The following PENK variants were observed in gnomAD, a reference collection of about 807,000 sequenced individuals.
PENK encodes the protein proenkephalin-A.
Under a neutral mutation model 24.1 loss-of-function variants are expected in PENK, and 25 were observed. That is an observed-to-expected ratio of 1.04 (90% confidence interval 0.76 to 1.45). The LOEUF (loss-of-function observed/expected upper bound fraction) is 1.45, where lower values mean the gene tolerates loss of function less well. Ranked by LOEUF, PENK falls within the 40% of genes most tolerant of loss-of-function variation. The probability of loss-of-function intolerance (pLI) is 0.00; values close to 1 mark genes in which losing one functional copy is unlikely to be tolerated. For missense variants in PENK, 353 were observed against 337.9 expected, an observed-to-expected ratio of 1.04 and a Z score of -0.35; for synonymous variants, 135 against 130.3, an observed-to-expected ratio of 1.04 and a Z score of -0.24.
In PENK at chr8:56,441,814, T is replaced by G; in HGVS notation, c.262A>C (p.Ser88Arg). ...AGCAAATGGCTTTCTTCCGGTTTGC[T>G]ATTTTCTCTGAGGGTGCTGGTGCCA... is the stretch of plus-strand genomic sequence containing the variant. ...QDGTSTLREN[S>R]KPEESHLLAK... Residue 88 changes from serine (S) to arginine (R), a missense_variant, in exon 4 of 4, where the codon AGC becomes CGC. By Grantham distance (110) the Ser-to-Arg change is moderately radical. Transcript: ENST00000451791. 6.2e-7 allele frequency: 1 copy of G among 1,614,244 alleles called. No homozygotes were observed. The highest frequency in any genetic ancestry group is 8.5e-7 in the Non-Finnish European group (1 of 1,180,056).
intron 3 of PENK, chr8:56,445,428 A>C: frequency 2.2e-6 from 1 of 448,816 alleles, no homozygotes; most frequent in Admixed American, 3.7e-5. Context: ...AGGGGCCCTT[A>C]GCTGGGATAT....
chr8:56,441,806 C>G lies in PENK; in HGVS notation c.270G>C (p.Pro90=). The stretch of plus-strand genomic sequence containing the variant: ...TTTTGGCTAGCAAATGGCTTTCTTC[C>G]GGTTTGCTATTTTCTCTGAGGGTGC... ...GTSTLRENSK[P]EESHLLAKRY... is the part of the protein sequence containing the mutation. Residue 90 remains proline (P), a synonymous_variant, in exon 4 of 4, where the codon CCG becomes CCC. Transcript: ENST00000451791. 6.2e-6 allele frequency: 10 copies of G among 1,614,138 alleles called. No homozygotes were observed. Among genetic ancestry groups the G allele is most frequent in the Non-Finnish European group, 8.5e-6 (10 of 1,180,032 alleles).
intron 2 of PENK, 96 bp downstream of exon 2, chr8:56,446,330 T>C (rs565024740): frequency 5.7e-5 from 15 of 261,038 alleles, no homozygotes; most frequent in Non-Finnish European, 1.1e-4. Flanking sequence ...GGGAACGCTG[T>C]TGGGGAACCC....
intron 3 of PENK, among the ~76,000 whole-genome samples, chr8:56,442,687 T>C (rs1169582303): frequency 6.6e-6 from 1 of 152,070 alleles, no homozygotes; most frequent in Non-Finnish European, 1.5e-5. Context: ...GATATAAAAT[T>C]ATACAAATGC....
At chr8:56,445,302 A>C in intron 3 of PENK, 5 of 221,972 alleles carry the variant, frequency 2.3e-5, no homozygotes, top group South Asian at 1.4e-4. Flanking sequence ...AGGGTAGGGA[A>C]TGAGGGACCT....
chr8:56,441,524 C>T lies in PENK; in HGVS notation c.552G>A (p.Lys184=), dbSNP rs765857438. Residue 184 remains lysine (K), a synonymous_variant, in exon 4 of 4, where the codon AAG becomes AAA. Coordinates refer to ENST00000451791, the MANE Select transcript of PENK (RefSeq NM_001135690.3). Reference sequence around the variant, plus strand: ...AGCCTCTCATGAAGCCCCCATATCTCTTGCTCACTTCTTCCTCATTATCAC... The same window carrying T: ...AGCCTCTCATGAAGCCCCCATATCTTTTGCTCACTTCTTCCTCATTATCAC... ...DGSDNEEEVS[K]RYGGFMRGLK... is the part of the protein sequence containing the mutation. The T allele has an allele frequency of 1.2e-6, 2 of 1,613,284 alleles. No homozygotes were observed. Among genetic ancestry groups the T allele is most frequent in the South Asian group, 2.2e-5 (2 of 91,010 alleles).
chr8:56,445,918 C>T lies in PENK; in HGVS notation c.36G>A (p.Leu12=). 2 of 1,612,264 alleles carry T rather than the reference C, an allele frequency of 1.2e-6. No homozygotes were observed. Among genetic ancestry groups the T allele is most frequent in the Non-Finnish European group, 1.7e-6 (2 of 1,179,554 alleles). Residue 12 remains leucine, a synonymous_variant, in exon 3 of 4, where the codon CTG becomes CTA. Coordinates refer to ENST00000451791, the MANE Select transcript of PENK (RefSeq NM_001135690.3). ...TCGCCAGGAGCCCGGGGCCGAGCAA[C>T]AGCAGCCAAGTGCAAAGTGTCAGGA... ...ARFLTLCTWL[L]LLGPGLLATV...
chr8:56,445,443 G>C (rs1804637604), intron 3 of PENK: 1 of 479,712 alleles, frequency 2.1e-6, no homozygotes, highest in Non-Finnish European at 3.7e-6. Flanking sequence ...GGATATGTTA[G>C]GAGTTGTGGT....
chr8:56,441,693 C>A lies in PENK; in HGVS notation c.383G>T (p.Gly128Val). ...ATACCGCTTGGCGAGGATCTCACTTCCATTGGCCTCTTCTTCTGGCTCCAT... is the reference window on the plus strand; with the variant it reads ...ATACCGCTTGGCGAGGATCTCACTTACATTGGCCTCTTCTTCTGGCTCCAT... Reference protein sequence around the residue: ...YPMEPEEEANGSEILAKRYGG... With the variant: ...YPMEPEEEANVSEILAKRYGG... Residue 128 changes from glycine (G) to valine (V), a missense_variant, in exon 4 of 4, where the codon GGA becomes GTA. Coordinates refer to ENST00000451791, the MANE Select transcript of PENK (RefSeq NM_001135690.3). The A allele has an allele frequency of 6.2e-7, 1 of 1,613,946 alleles. No individual in the cohort carries two copies. Among genetic ancestry groups the A allele is most frequent in the Non-Finnish European group, 8.5e-7 (1 of 1,179,986 alleles).
At chr8:56,444,032 GA>G (rs1563486768) in intron 3 of PENK, 1 of 701,314 alleles carries the variant, frequency 1.4e-6, no homozygotes, top group South Asian at 1.5e-5. Flanking sequence ...GTTACATGAT[GA>G]GAAGAGGGTG....
chr8:56,444,118 G>T (rs1012192096), intron 3 of PENK: 82 of 531,078 alleles, frequency 1.5e-4, no homozygotes, highest in Non-Finnish European at 2.2e-4. Flanking sequence ...CTCTGCTCAA[G>T]TTCCTCAACA....
intron 2 of PENK, 51 bp downstream of exon 2, chr8:56,446,375 G>C (rs939068494): frequency 5.0e-6 from 1 of 199,848 alleles, no homozygotes; most frequent in African/African-American, 2.3e-5. Flanking sequence ...AGGGCGGGCA[G>C]ACGTCCCCAA....
rs1259436563 is a variant in PENK at position 56,445,803 on chromosome 8, G to C, written c.138+13C>G. On this transcript the variant is annotated intron_variant, in intron 3 of 3. Transcript: ENST00000451791. ...TCACAAGGTGCGCAACACTCGCCGC[G>C]CGCAACACTCACCAGGAAGTTGATG... is the stretch of plus-strand genomic sequence containing the variant. 4.3e-6 allele frequency: 7 copies of C among 1,613,206 alleles called. No homozygotes were observed. The highest frequency in any genetic ancestry group is 4.5e-5 in the East Asian group (2 of 44,896).
chr8:56,442,011 C>T (rs111783261), intron 3 of PENK, 74 bp from the exon 4 acceptor site: 6 of 1,114,688 alleles, frequency 5.4e-6, no homozygotes, highest in Non-Finnish European at 5.2e-6. Context: ...TTTTGTGGAC[C>T]AAAATATGCT....
chr8:56,441,193 A>G lies in PENK; in HGVS notation c.*79T>C. The stretch of plus-strand genomic sequence containing the variant: ...TATACAAGGCAAGCAACACATGACA[A>G]TAAAACACCATCAACAGTTTCCCAC... On this transcript the variant is annotated 3_prime_UTR_variant, in exon 4 of 4. Coordinates refer to ENST00000451791, the MANE Select transcript of PENK (RefSeq NM_001135690.3). 1.0e-6 allele frequency: 1 copy of G among 991,882 alleles called. No homozygotes were observed. The highest frequency in any genetic ancestry group is 1.5e-5 in the South Asian group (1 of 64,612). 61.4% of individuals were successfully genotyped at this position (991,882 alleles called of 1,614,324 possible).
At position 56,441,551 on chromosome 8, in the gene PENK, G is replaced by T. The variant is rs1804554509; in HGVS notation, c.525C>A (p.Gly175=). Residue 175 remains glycine, a synonymous_variant, in exon 4 of 4, where the codon GGC becomes GGA. Transcript: ENST00000451791. ...DNRERSHHQD[G]SDNEEEVSKR... is the part of the protein sequence containing the mutation. Reference sequence around the variant, plus strand: ...TGCTCACTTCTTCCTCATTATCACTGCCATCCTGGTGGTGGCTACGCTCTC... The same window carrying T: ...TGCTCACTTCTTCCTCATTATCACTTCCATCCTGGTGGTGGCTACGCTCTC... The T allele has an allele frequency of 6.2e-7, 1 of 1,613,390 alleles. No individual in the cohort carries two copies. Among genetic ancestry groups the T allele is most frequent in the Non-Finnish European group, 8.5e-7 (1 of 1,179,932 alleles).
chr8:56,444,198 A>C (rs1486556950), intron 3 of PENK, among the ~76,000 whole-genome samples: 2 of 152,268 alleles, frequency 1.3e-5, no homozygotes, highest in Non-Finnish European at 2.9e-5. Flanking sequence ...AAAAAAACCC[A>C]TTTGAATAGG....
rs1804669796 is a variant in PENK at position 56,446,576 on chromosome 8, G to C, written c.-67C>G. On this transcript the variant is annotated 5_prime_UTR_variant, in exon 1 of 4. Coordinates refer to ENST00000451791, the MANE Select transcript of PENK (RefSeq NM_001135690.3). ...GCGGACGTAGGGCCTCACCGTCGCG[G>C]TCCTCAGCGTCTCTGCGGGGTCACG... 6.6e-6 allele frequency: 1 copy of C among 152,658 alleles called. No individual in the cohort carries two copies. Among genetic ancestry groups the C allele is most frequent in the South Asian group, 2.1e-4 (1 of 4,850 alleles). 9.5% of individuals were successfully genotyped at this position (152,658 alleles called of 1,614,324 possible).
At chr8:56,443,450 G>A (rs1349160063) in intron 3 of PENK, 2 of 152,290 alleles carry the variant, frequency 1.3e-5, no homozygotes, top group East Asian at 1.9e-4. Context: ...CTAAGGTAGC[G>A]ATGTTAACTG....
Sources: allele counts gnomAD v4.1 joint callset (sites outside exome capture counted in the v4.1 genomes callset), GRCh38; gene constraint gnomAD v4.1.1; transcripts MANE v1.5; gene names NCBI Gene and HGNC (gene_info 2026-07-23, HGNC 2026-07-21).